The following GPATCH8 variants were observed in gnomAD, a reference collection of about 807,000 sequenced individuals.
GPATCH8 encodes G-patch domain containing 8.
In GPATCH8, 18 loss-of-function variants were observed where a neutral mutation model predicts 118.3. The observed-to-expected ratio is 0.15, with a 90% CI of 0.11 to 0.23. GPATCH8 has a LOEUF of 0.23. Ranked by LOEUF, GPATCH8 falls within the 10% of genes least tolerant of loss-of-function variation. The pLI, the probability that GPATCH8 is intolerant of heterozygous loss-of-function variation, is 1.00. For synonymous variants in GPATCH8, 659 were observed against 684.7 expected (o/e 0.96, Z 0.59); for missense variants, 1,631 against 1,873.8 (o/e 0.87, Z 2.39).
At chr17:44,501,513 G>A (rs748363547) in intron 1 of GPATCH8, among the ~76,000 whole-genome samples, 1 of 151,996 alleles carries the variant, frequency 6.6e-6, no homozygotes, top group Non-Finnish European at 1.5e-5. Context: ...CATCTTCAAA[G>A]GACTACCATG....
intron 5 of GPATCH8, among the ~76,000 whole-genome samples, chr17:44,427,587 T>G (rs1423731596): frequency 6.6e-6 from 1 of 151,956 alleles, no homozygotes; most frequent in Non-Finnish European, 1.5e-5. Context: ...AATAAAAAAC[T>G]GGGTGGGCAG....
At chr17:44,412,066 G>A (rs916894896) in intron 6 of GPATCH8, among the ~76,000 whole-genome samples, 1 of 151,870 alleles carries the variant, frequency 6.6e-6, no homozygotes, top group Non-Finnish European at 1.5e-5. Flanking sequence ...GGGATTACAA[G>A]CATGCGCCAC....
intron 3 of GPATCH8, among the ~76,000 whole-genome samples, chr17:44,448,426 G>A (rs756108564): frequency 7.1e-6 from 1 of 140,456 alleles, no homozygotes; most frequent in Non-Finnish European, 1.5e-5. Flanking sequence ...CAGACATGGT[G>A]GCAAATGCCT....
chr17:44,450,155 A>G (rs2051061536), intron 3 of GPATCH8, among the ~76,000 whole-genome samples: 1 of 152,214 alleles, frequency 6.6e-6, no homozygotes, highest in African/African-American at 2.4e-5. Flanking sequence ...GTGAAATTTC[A>G]GATGAGCTCA....
chr17:44,420,888 C>A (rs1220095921), intron 6 of GPATCH8, among the ~76,000 whole-genome samples: 1 of 152,066 alleles, frequency 6.6e-6, no homozygotes, highest in African/African-American at 2.4e-5. Context: ...GAGATGGAGT[C>A]TTGCTCTGTC....
At position 44,395,838 on chromosome 17, in the gene GPATCH8, G is replaced by A. The variant is rs2048760694; in HGVS notation, c.*1730C>T. On this transcript the variant is annotated 3_prime_UTR_variant, in exon 8 of 8. Transcript: ENST00000591680. Reference sequence around the variant, plus strand: ...TTAGGAAAATGCCAAAGTGGGAATTGTTAACCTCATCAAAGGAGATGGGAC... The same window carrying A: ...TTAGGAAAATGCCAAAGTGGGAATTATTAACCTCATCAAAGGAGATGGGAC... The A allele has an allele frequency of 2.2e-6, 1 of 453,990 alleles. No individual in the cohort carries two copies. The highest frequency in any genetic ancestry group is 2.0e-5 in the African/African-American group (1 of 49,984). 28.1% of individuals were successfully genotyped at this position (453,990 alleles called of 1,614,324 possible). A position where few individuals can be genotyped will look rare whatever the true frequency, so the allele number is the denominator to read the frequency against.
intron 1 of GPATCH8, among the ~76,000 whole-genome samples, chr17:44,487,227 C>T (rs1465334917): frequency 6.6e-6 from 1 of 152,156 alleles, no homozygotes; most frequent in Non-Finnish European, 1.5e-5. Context: ...TTTGCCTTTT[C>T]CAGGATGTCA....
chr17:44,447,001 ATTTC>A (rs1333569695), intron 3 of GPATCH8, among the ~76,000 whole-genome samples: 1 of 151,284 alleles, frequency 6.6e-6, no homozygotes, highest in Non-Finnish European at 1.5e-5. Context: ...TGCCCAGCTA[ATTTC>A]TTTGTGTTTT....
chr17:44,503,393 GGAC>G lies in GPATCH8; in HGVS notation c.-26_-24del. ...CATTTTGCCGCCTTCACTCCTCTCA[GGAC>G]GACGCTCTCCGGTTCGCTCCTTCCC... On this transcript the variant is annotated 5_prime_UTR_variant, in exon 1 of 8. Transcript: ENST00000591680. The G allele has an allele frequency of 6.3e-7, 1 of 1,595,814 alleles. No homozygotes were observed. Among genetic ancestry groups the G allele is most frequent in the Non-Finnish European group, 8.5e-7 (1 of 1,169,920 alleles).
intron 3 of GPATCH8, among the ~76,000 whole-genome samples, chr17:44,437,842 C>T (rs148528044): frequency 3.3e-4 from 50 of 150,668 alleles, no homozygotes; most frequent in African/African-American, 1.1e-3. Context: ...CTTATGTATC[C>T]TATTATTGTT....
chr17:44,453,714 T>G (rs1020881991), intron 3 of GPATCH8, among the ~76,000 whole-genome samples: 1 of 152,062 alleles, frequency 6.6e-6, no homozygotes, highest in Admixed American at 6.6e-5. Flanking sequence ...TATTTTTTGG[T>G]AGAGACAGGG....
At position 44,401,385 on chromosome 17, in the gene GPATCH8, T is replaced by C. The variant is rs1324888283; in HGVS notation, c.692A>G (p.Asp231Gly). ...ACTATTTGTAGCTGATTCATCTTTA[T>C]CATCTTCTCCACCTTCTTCATCTAC... The part of the protein sequence containing the change: ...VAVDEEGGED[D>G]KDESATNSGT... Residue 231 changes from aspartate to glycine, a missense_variant, in exon 8 of 8, where the codon GAT (aspartate) becomes GGT (glycine). Physicochemically the swap from Asp to Gly is moderately conservative, Grantham distance 94 (BLOSUM62 -1). Transcript: ENST00000591680. The C allele has an allele frequency of 1.3e-5, 21 of 1,613,264 alleles. No homozygotes were observed. The highest frequency in any genetic ancestry group is 1.8e-5 in the Non-Finnish European group (21 of 1,179,412).
chr17:44,498,279 G>A (rs1443001935), intron 1 of GPATCH8, among the ~76,000 whole-genome samples: 3 of 152,054 alleles, frequency 2.0e-5, no homozygotes, highest in Non-Finnish European at 4.4e-5. Context: ...AATAATACTC[G>A]GCATAATACT....
At chr17:44,436,291 T>A (rs968263293) in intron 4 of GPATCH8, among the ~76,000 whole-genome samples, 187 bp downstream of exon 4, 5 of 152,150 alleles carry the variant, frequency 3.3e-5, no homozygotes, top group African/African-American at 1.2e-4. Context: ...AGCAGCTCTG[T>A]TTATATTCTA....
chr17:44,433,878 C>A (rs1200898520), intron 5 of GPATCH8, among the ~76,000 whole-genome samples: 1 of 152,140 alleles, frequency 6.6e-6, no homozygotes, highest in Non-Finnish European at 1.5e-5. Context: ...GTGGCTCACG[C>A]CTGTAATCCC....
chr17:44,494,640 G>C (rs542338252), intron 1 of GPATCH8, among the ~76,000 whole-genome samples: 3 of 152,100 alleles, frequency 2.0e-5, no homozygotes, highest in Non-Finnish European at 4.4e-5. Context: ...ATCACTCCTC[G>C]TATACACCCT....
intron 1 of GPATCH8, among the ~76,000 whole-genome samples, chr17:44,477,095 A>G (rs1304008656): frequency 1.3e-5 from 2 of 152,236 alleles, no homozygotes; most frequent in African/African-American, 4.8e-5. Flanking sequence ...TTAACCTAAC[A>G]AAAAGTTACT....
In GPATCH8 at chr17:44,399,768, T is replaced by C. The variant is rs1341377244; in HGVS notation, c.2309A>G (p.Asp770Gly). 6.2e-7 allele frequency: 1 copy of C among 1,613,800 alleles called. No individual in the cohort carries two copies. The highest frequency in any genetic ancestry group is 8.5e-7 in the Non-Finnish European group (1 of 1,179,912). Residue 770 changes from aspartate (D) to glycine (G), a missense_variant, in exon 8 of 8, where the codon GAT (aspartate) becomes GGT (glycine). By Grantham distance (94) the Asp-to-Gly change is moderately conservative (BLOSUM62 -1). Transcript: ENST00000591680. ...PAEEGSSGKK[D>G]EGGGGSSSQD... is the part of the protein sequence containing the mutation. ...GGAGCTGCTACCACCCCCACCTTCA[T>C]CCTTTTTGCCACTGCTCCCCTCTTC...
chr17:44,466,539 C>A (rs1339433636), intron 2 of GPATCH8, among the ~76,000 whole-genome samples: 3 of 152,134 alleles, frequency 2.0e-5, no homozygotes, highest in Non-Finnish European at 4.4e-5. Context: ...GGGCTTCTTC[C>A]CTTCCCCCCT....
Sources: allele counts gnomAD v4.1 joint callset (sites outside exome capture counted in the v4.1 genomes callset), GRCh38; gene constraint gnomAD v4.1.1; transcripts MANE v1.5; gene names NCBI Gene and HGNC (gene_info 2026-07-23, HGNC 2026-07-21).